SAMTOR: variants seen among roughly 807,000 people sequenced by gnomAD.
The protein encoded by SAMTOR is S-adenosylmethionine sensor upstream of mTORC1, also known as UPF0532 protein C7orf60.
At chr7:112,874,267 C>T in the SAMTOR span, among the ~76,000 whole-genome samples, 1 of 152,068 alleles carries the variant, frequency 6.6e-6, no homozygotes, top group Non-Finnish European at 1.5e-5. Flanking sequence ...GCACTATCTA[C>T]AATAGCAAAG....
chr7:112,875,620 C>T, the SAMTOR span, among the ~76,000 whole-genome samples: 3 of 152,240 alleles, frequency 2.0e-5, no homozygotes, highest in South Asian at 2.1e-4. Flanking sequence ...TTAACCTTTC[C>T]CTATCACACT....
At chr7:112,853,305 T>C in the SAMTOR span, among the ~76,000 whole-genome samples, 1 of 152,186 alleles carries the variant, frequency 6.6e-6, no homozygotes, top group Admixed American at 6.5e-5. Flanking sequence ...TAATGATGTA[T>C]ATAAGCTATT....
the SAMTOR span, among the ~76,000 whole-genome samples, chr7:112,891,686 T>C: frequency 6.6e-6 from 1 of 152,222 alleles, no homozygotes; most frequent in East Asian, 1.9e-4. Context: ...ATAAGTTATG[T>C]TCCACTACAC....
At chr7:112,838,566 C>T in the SAMTOR span, among the ~76,000 whole-genome samples, 294 of 151,788 alleles carry the variant, frequency 1.9e-3, 2 homozygotes, top group African/African-American at 6.6e-3. Flanking sequence ...CTGAGTATAC[C>T]GTTCATTGTA....
the SAMTOR span, among the ~76,000 whole-genome samples, chr7:112,907,843 T>C: frequency 0.011 from 47 of 4,378 alleles, no homozygotes; most frequent in Admixed American, 0.11. Flanking sequence ...TCTTACTTAC[T>C]TATTTATTTA....
At chr7:112,925,182 A>T in the SAMTOR span, among the ~76,000 whole-genome samples, 1 of 152,228 alleles carries the variant, frequency 6.6e-6, no homozygotes, top group Non-Finnish European at 1.5e-5. Flanking sequence ...CAATACTTTA[A>T]TTAATGACAC....
chr7:112,900,535 T>A, the SAMTOR span, among the ~76,000 whole-genome samples: 1 of 152,200 alleles, frequency 6.6e-6, no homozygotes, highest in Non-Finnish European at 1.5e-5. Flanking sequence ...ACCTTTTGAA[T>A]CAGTAAAGTT....
At chr7:112,935,363 A>G in the SAMTOR span, 1 of 305,152 alleles carries the variant, frequency 3.3e-6, no homozygotes, top group East Asian at 1.0e-4. Flanking sequence ...CCAACATCAC[A>G]TTCATTCTCT....
chr7:112,894,221 A>G, the SAMTOR span, among the ~76,000 whole-genome samples: 1 of 151,588 alleles, frequency 6.6e-6, no homozygotes, highest in African/African-American at 2.4e-5. Flanking sequence ...GAGAGGGGAG[A>G]GAGACTGGGG....
At chr7:112,900,287 T>C in the SAMTOR span, among the ~76,000 whole-genome samples, 1 of 152,186 alleles carries the variant, frequency 6.6e-6, no homozygotes, top group Admixed American at 6.5e-5. Flanking sequence ...TAAGTTCTGG[T>C]CCAAGTACAA....
At chr7:112,922,899 CCCG>C in the SAMTOR span, among the ~76,000 whole-genome samples, 1 of 143,378 alleles carries the variant, frequency 7.0e-6, no homozygotes, top group Non-Finnish European at 1.5e-5. Context: ...GCCCCCCCCC[CCCG>C]GGCCAGCCGC....
the SAMTOR span, among the ~76,000 whole-genome samples, chr7:112,867,454 C>G: frequency 1.3e-5 from 2 of 152,124 alleles, no homozygotes; most frequent in Admixed American, 1.3e-4. Context: ...TTATAACTGT[C>G]CAACTTCTGA....
the SAMTOR span, among the ~76,000 whole-genome samples, chr7:112,910,134 A>G: frequency 3.3e-5 from 5 of 152,084 alleles, no homozygotes; most frequent in East Asian, 9.7e-4. Flanking sequence ...GCTGCCTAAT[A>G]TGAAATTATT....
chr7:112,857,248 C>T, the SAMTOR span, among the ~76,000 whole-genome samples: 5 of 150,496 alleles, frequency 3.3e-5, no homozygotes, highest in Admixed American at 6.6e-5. Flanking sequence ...CCCACCACCG[C>T]GCCCGGCTAA....
the SAMTOR span, among the ~76,000 whole-genome samples, chr7:112,898,214 T>C: frequency 6.6e-6 from 1 of 152,162 alleles, no homozygotes; most frequent in African/African-American, 2.4e-5. Context: ...GGGCTCCCAA[T>C]AAATGTCAGT....
At chr7:112,853,453 T>C in the SAMTOR span, among the ~76,000 whole-genome samples, 1 of 152,108 alleles carries the variant, frequency 6.6e-6, no homozygotes, top group Non-Finnish European at 1.5e-5. Flanking sequence ...TGGTTATGTA[T>C]TTTAATAAGG....
At chr7:112,899,784 T>A in the SAMTOR span, among the ~76,000 whole-genome samples, 1 of 65,262 alleles carries the variant, frequency 1.5e-5, no homozygotes, top group African/African-American at 1.6e-4. Flanking sequence ...TTCAATGTGC[T>A]GAAGGAAAAA....
the SAMTOR span, among the ~76,000 whole-genome samples, chr7:112,910,881 C>T: frequency 6.6e-6 from 1 of 152,046 alleles, no homozygotes; most frequent in Admixed American, 6.6e-5. Flanking sequence ...CAGAACAGCT[C>T]ATATGATACA....
At chr7:112,878,896 G>C in the SAMTOR span, among the ~76,000 whole-genome samples, 15 of 152,208 alleles carry the variant, frequency 9.9e-5, no homozygotes, top group South Asian at 2.5e-3. Flanking sequence ...ACTGGAAAAA[G>C]AGACTACTTA....
Sources: gnomAD v4.1 joint callset for allele counts (sites outside exome capture counted in the v4.1 genomes callset) on GRCh38, gnomAD v4.1.1 for gene constraint, MANE v1.5 for transcripts, NCBI Gene and HGNC (gene_info 2026-07-23, HGNC 2026-07-21) for gene names.